Variants in LRRC37A2 observed in about 807,000 individuals in gnomAD.
LRRC37A2 encodes leucine rich repeat containing 37 member A2.
A neutral mutation model predicts 68.8 loss-of-function variants in LRRC37A2; 9 were observed. That is an observed-to-expected ratio of 0.13 (90% CI 0.08 to 0.23). The LOEUF is 0.23. Among genes scored for constraint, LRRC37A2 ranks in the 10% least tolerant of loss-of-function variants. LRRC37A2 has a pLI of 1.00. For synonymous variants in LRRC37A2, 63 were observed against 367.6 expected, an observed-to-expected ratio of 0.17 and a Z score of 9.48; for missense variants, 168 against 950.4, an observed-to-expected ratio of 0.18 and a Z score of 10.82.
the LRRC37A2 span, among the ~76,000 whole-genome samples, chr17:46,684,488 C>A: frequency 6.6e-6 from 1 of 152,040 alleles, no homozygotes; most frequent in Non-Finnish European, 1.5e-5. Flanking sequence ...AATGGTATTT[C>A]TGGTTCTGGA....
At chr17:46,940,077 T>C in the LRRC37A2 span, 1 of 1,111,900 alleles carries the variant, frequency 9.0e-7, no homozygotes. Context: ...GCTTGAACTG[T>C]CTTCTGTCTT....
chr17:47,037,126 C>A, the LRRC37A2 span, among the ~76,000 whole-genome samples: 1 of 141,144 alleles, frequency 7.1e-6, no homozygotes, highest in East Asian at 2.1e-4. Flanking sequence ...CCCGTGTCTA[C>A]TAAAAGTACA....
the LRRC37A2 span, among the ~76,000 whole-genome samples, chr17:46,969,638 A>G: frequency 6.6e-6 from 1 of 152,220 alleles, no homozygotes; most frequent in Non-Finnish European, 1.5e-5. Context: ...CAGTTTCCTT[A>G]TTCAGCAATA....
chr17:46,933,191 T>G, the LRRC37A2 span: 1 of 152,220 alleles, frequency 6.6e-6, no homozygotes, highest in African/African-American at 2.4e-5. Context: ...CGCTTGGGAT[T>G]ATTTTGTTTT....
chr17:47,023,750 A>G, the LRRC37A2 span, among the ~76,000 whole-genome samples: 1 of 152,002 alleles, frequency 6.6e-6, no homozygotes, highest in South Asian at 2.1e-4. Flanking sequence ...GCCCTCCATC[A>G]CACCCAGCTA....
chr17:46,550,265 G>A, intron 10 of LRRC37A2, 150 bp from the exon 10 acceptor site: 2 of 253,374 alleles, frequency 7.9e-6, no homozygotes, highest in South Asian at 5.6e-5. Context: ...AGTGAACGGT[G>A]ATTGCACCAC....
chr17:46,881,655 T>C, the LRRC37A2 span, among the ~76,000 whole-genome samples: 1 of 152,114 alleles, frequency 6.6e-6, no homozygotes, highest in East Asian at 1.9e-4. Flanking sequence ...CGCAGACCCC[T>C]CCACCTCCAG....
the LRRC37A2 span, among the ~76,000 whole-genome samples, chr17:46,816,104 C>T: frequency 4.6e-5 from 7 of 151,578 alleles, no homozygotes; most frequent in South Asian, 6.2e-4. Context: ...AAGGCATGCG[C>T]GCGCACGTAC....
At chr17:46,984,052 TAGA>T in the LRRC37A2 span, 2 of 152,364 alleles carry the variant, frequency 1.3e-5, no homozygotes, top group African/African-American at 4.8e-5. Flanking sequence ...AAGAATGTGC[TAGA>T]AGGTGAGCAC....
At chr17:46,834,800 C>A in the LRRC37A2 span, among the ~76,000 whole-genome samples, 1 of 152,176 alleles carries the variant, frequency 6.6e-6, no homozygotes. Flanking sequence ...GGGCTTCCCC[C>A]ACGCTAATAT....
At chr17:46,932,346 T>C in the LRRC37A2 span, 2 of 872,450 alleles carry the variant, frequency 2.3e-6, no homozygotes, top group Non-Finnish European at 3.7e-6. Flanking sequence ...ACTTTGTGCA[T>C]TGCCACAGAG....
chr17:46,773,640 T>TC, the LRRC37A2 span: 2,255 of 327,732 alleles, frequency 6.9e-3, 36 homozygotes, highest in African/African-American at 0.095. Flanking sequence ...ACCCAGCCCC[T>TC]CCCCCCCCCT....
At chr17:46,891,918 CTTTTTTTT>C in the LRRC37A2 span, among the ~76,000 whole-genome samples, 2 of 71,814 alleles carry the variant, frequency 2.8e-5, no homozygotes, top group African/African-American at 1.1e-4. Context: ...CTTTTCTTTT[CTTTTTTTT>C]TTTTTTTTTT....
chr17:46,724,413 G>C, the LRRC37A2 span, among the ~76,000 whole-genome samples: 1 of 152,306 alleles, frequency 6.6e-6, no homozygotes, highest in African/African-American at 2.4e-5. Flanking sequence ...GATAATAGAG[G>C]CCCCGCCTTA....
chr17:47,048,132 T>C, the LRRC37A2 span, among the ~76,000 whole-genome samples: 12 of 149,248 alleles, frequency 8.0e-5, no homozygotes, highest in South Asian at 4.2e-4. Context: ...CTTTTACAGA[T>C]GAAGAAAAAC....
chr17:46,733,450 A>T, the LRRC37A2 span, among the ~76,000 whole-genome samples: 1 of 152,122 alleles, frequency 6.6e-6, no homozygotes, highest in Non-Finnish European at 1.5e-5. Context: ...GAGAGTAGTT[A>T]AGCCTATTAA....
the LRRC37A2 span, among the ~76,000 whole-genome samples, chr17:46,956,243 ACCCG>A: frequency 7.3e-6 from 1 of 136,496 alleles, no homozygotes. Context: ...AGAAATCTCT[ACCCG>A]CCTAAGGCCA....
chr17:46,389,338 C>A, the LRRC37A2 span, among the ~76,000 whole-genome samples: 1 of 73,796 alleles, frequency 1.4e-5, no homozygotes. Context: ...GTCTATCAGG[C>A]AAACTCTAAC....
chr17:46,898,090 T>G, the LRRC37A2 span, among the ~76,000 whole-genome samples: 1 of 152,274 alleles, frequency 6.6e-6, no homozygotes, highest in East Asian at 1.9e-4. Context: ...TTACTGGGGA[T>G]GGATCACGGG....
Sources: allele counts gnomAD v4.1 joint callset (sites outside exome capture counted in the v4.1 genomes callset), GRCh38; gene constraint gnomAD v4.1.1; transcripts MANE v1.5; gene names NCBI Gene and HGNC (gene_info 2026-07-23, HGNC 2026-07-21).